The following TNKS variants were observed in gnomAD, a reference collection of about 807,000 sequenced individuals.
The protein encoded by TNKS is tankyrase, also known as poly [ADP-ribose] polymerase tankyrase-1.
A neutral mutation model predicts 135.8 loss-of-function variants in TNKS; 72 were observed. The observed-to-expected ratio is 0.53, with a 90% CI of 0.44 to 0.64. The LOEUF (loss-of-function observed/expected upper bound fraction) is 0.64. Among genes scored for constraint, TNKS ranks in the 30% least tolerant of loss-of-function variants. TNKS has a pLI of 0.00. For missense variants in TNKS, 1,769 were observed against 1,674.0 expected (o/e 1.06, Z -0.99); for synonymous variants, 849 against 649.3 (o/e 1.31, Z -4.68).
At chr8:9,766,483 C>CTT (rs61212620) in intron 25 of TNKS, 58 bp downstream of exon 25, 20,684 of 880,484 alleles carry the variant, frequency 0.023, 11 homozygotes, top group Non-Finnish European at 0.025. Context: ...ACCAAATTGT[C>CTT]TTTTTTTTTT....
At chr8:9,727,508 A>G (rs1262812499) in intron 13 of TNKS, among the ~76,000 whole-genome samples, 1 of 152,112 alleles carries the variant, frequency 6.6e-6, no homozygotes, top group Middle Eastern at 3.2e-3. Flanking sequence ...GGCTCAAGCA[A>G]TCCTCTTGCC....
chr8:9,556,512 C>A lies in TNKS; in HGVS notation c.573C>A (p.Arg191=). Residue 191 remains arginine (R), a synonymous_variant, in exon 1 of 27, where the codon CGC becomes CGA. Coordinates refer to ENST00000310430, the MANE Select transcript of TNKS (RefSeq NM_003747.3). ...GALRELLEAC[R]NGDVSRVKRL... is the part of the protein sequence containing the mutation. ...TACGGGAACTGCTGGAGGCCTGTCGCAATGGGGACGTGTCCCGGGTAAAGA... is the reference window on the plus strand; with the variant it reads ...TACGGGAACTGCTGGAGGCCTGTCGAAATGGGGACGTGTCCCGGGTAAAGA... 1 of 1,614,092 alleles carries A rather than the reference C, an allele frequency of 6.2e-7. No homozygotes were observed. Among genetic ancestry groups the A allele is most frequent in the African/African-American group, 1.3e-5 (1 of 75,022 alleles).
intron 18 of TNKS, 85 bp from the exon 19 acceptor site, chr8:9,751,524 C>A: frequency 1.6e-6 from 2 of 1,288,510 alleles, no homozygotes; most frequent in Non-Finnish European, 2.2e-6. Context: ...AGGAAAAAAT[C>A]CACAAAGTAT....
chr8:9,715,884 T>C (rs563227702), intron 11 of TNKS, among the ~76,000 whole-genome samples: 9 of 152,196 alleles, frequency 5.9e-5, no homozygotes, highest in Admixed American at 2.0e-4. Context: ...TTATCCTTCA[T>C]GTGGCAATTT....
chr8:9,628,969 G>C (rs188332749), intron 3 of TNKS, among the ~76,000 whole-genome samples: 1 of 152,222 alleles, frequency 6.6e-6, no homozygotes, highest in African/African-American at 2.4e-5. Flanking sequence ...TTCTTCTCTT[G>C]TTGTCTTACC....
At chr8:9,682,559 C>T (rs1802826069) in intron 5 of TNKS, among the ~76,000 whole-genome samples, 1 of 152,024 alleles carries the variant, frequency 6.6e-6, no homozygotes, top group Non-Finnish European at 1.5e-5. Flanking sequence ...CTATATTACT[C>T]TGTGGCACTT....
At chr8:9,601,306 T>A (rs1230899203) in intron 2 of TNKS, among the ~76,000 whole-genome samples, 1 of 152,210 alleles carries the variant, frequency 6.6e-6, no homozygotes, top group East Asian at 1.9e-4. Context: ...GAACTTTAAA[T>A]TTAACACGTG....
chr8:9,704,610 A>G, intron 5 of TNKS, 53 bp from the exon 6 acceptor site: 1 of 1,446,486 alleles, frequency 6.9e-7, no homozygotes, highest in Non-Finnish European at 9.7e-7. Context: ...CAAAGCAAGG[A>G]TTTTCTTTGT....
intron 26 of TNKS, among the ~76,000 whole-genome samples, chr8:9,772,807 GTTTGTGTGTGTGTGTGTGTGTGTC>G (rs1279378303): frequency 3.7e-4 from 40 of 107,692 alleles, no homozygotes; most frequent in African/African-American, 1.1e-3. Context: ...GTGTGTGTGT[GTTTGTGTGTGTGTGTGTGTGTGTC>G]TGTGTGTGTG....
intron 1 of TNKS, among the ~76,000 whole-genome samples, chr8:9,562,252 A>G (rs977035297): frequency 2.2e-4 from 34 of 152,054 alleles, no homozygotes; most frequent in African/African-American, 8.2e-4. Flanking sequence ...GCTTTGTGGG[A>G]TAAATGTGCT....
intron 3 of TNKS, among the ~76,000 whole-genome samples, chr8:9,678,200 G>A (rs1802626703): frequency 6.6e-6 from 1 of 152,174 alleles, no homozygotes; most frequent in African/African-American, 2.4e-5. Context: ...ACATTTTATA[G>A]ATACATTGCG....
In TNKS at chr8:9,703,441, T is replaced by G. The variant is rs552161696; in HGVS notation, c.1108-1222T>G. On this transcript the variant is annotated intron_variant, in intron 5 of 26. Transcript: ENST00000310430. The stretch of plus-strand genomic sequence containing the variant: ...AGTGATTTTATCTCCATTTTATACA[T>G]GAAGAAGCTGAGACACACGAGTAGC... Among the ~76,000 whole-genome samples the G allele has an allele frequency of 9.2e-5, 14 of 152,332 alleles. 1 individual carries two copies. In the South Asian group the frequency reaches 2.3e-3, roughly 25 times the overall value.
At chr8:9,741,682 AC>A (rs1255162794) in intron 17 of TNKS, 1 of 525,980 alleles carries the variant, frequency 1.9e-6, no homozygotes, top group Admixed American at 2.0e-5. Flanking sequence ...TACTTACTCT[AC>A]GTGTGTGTCA....
chr8:9,619,356 T>C (rs1585238394), intron 3 of TNKS, among the ~76,000 whole-genome samples: 1 of 152,234 alleles, frequency 6.6e-6, no homozygotes, highest in South Asian at 2.1e-4. Context: ...GTGGAAAGGA[T>C]AGAGGGAGCA....
chr8:9,770,471 C>T (rs938871106), intron 26 of TNKS, among the ~76,000 whole-genome samples: 1 of 152,218 alleles, frequency 6.6e-6, no homozygotes, highest in African/African-American at 2.4e-5. Context: ...AGCCACATAA[C>T]ACAGTGTGAA....
intron 5 of TNKS, among the ~76,000 whole-genome samples, chr8:9,688,682 C>T (rs1351702719): frequency 6.6e-6 from 1 of 152,152 alleles, no homozygotes; most frequent in Non-Finnish European, 1.5e-5. Flanking sequence ...CACTGTCGCC[C>T]AGGCTGGAGT....
chr8:9,649,892 T>G (rs1427846875), intron 3 of TNKS, among the ~76,000 whole-genome samples: 1 of 98,688 alleles, frequency 1.0e-5, no homozygotes, highest in South Asian at 3.9e-4. Flanking sequence ...TTTTTTTTTT[T>G]TTTTTTTTTT....
intron 3 of TNKS, among the ~76,000 whole-genome samples, chr8:9,654,005 C>T (rs1213855648): frequency 6.6e-6 from 1 of 152,190 alleles, no homozygotes; most frequent in Non-Finnish European, 1.5e-5. Context: ...CCATTAGCAG[C>T]TCTGGGACCA....
At chr8:9,661,850 A>G (rs1428200231) in intron 3 of TNKS, among the ~76,000 whole-genome samples, 1 of 152,236 alleles carries the variant, frequency 6.6e-6, no homozygotes, top group East Asian at 1.9e-4. Flanking sequence ...ACAAAGGGCT[A>G]ATATCCAGAA....
Sources: gnomAD v4.1 joint callset for allele counts (sites outside exome capture counted in the v4.1 genomes callset) on GRCh38, gnomAD v4.1.1 for gene constraint, MANE v1.5 for transcripts, NCBI Gene and HGNC (gene_info 2026-07-23, HGNC 2026-07-21) for gene names.